MACROD2: variants seen among roughly 807,000 people sequenced by gnomAD.
MACROD2 encodes mono-ADP ribosylhydrolase 2, also known as ADP-ribose glycohydrolase MACROD2.
In MACROD2, 36 loss-of-function variants were observed where a neutral mutation model predicts 70.4. That is an observed-to-expected ratio of 0.51 (90% CI 0.39 to 0.68). The LOEUF is 0.68. Among genes scored for constraint, MACROD2 ranks in the 30% least tolerant of loss-of-function variants. The pLI is 0.00. For synonymous variants in MACROD2, 172 were observed against 178.8 expected, an observed-to-expected ratio of 0.96 and a Z score of 0.30; for missense variants, 496 against 538.4, an observed-to-expected ratio of 0.92 and a Z score of 0.78.
intron 4 of MACROD2, among the ~76,000 whole-genome samples, chr20:14,635,599 T>C (rs2123480738): frequency 6.6e-6 from 1 of 152,360 alleles, no homozygotes; most frequent in East Asian, 1.9e-4. Flanking sequence ...TAATACATTA[T>C]AACAGTTACT....
At chr20:15,545,208 G>A (rs762628588) in intron 8 of MACROD2, among the ~76,000 whole-genome samples, 8 of 152,142 alleles carry the variant, frequency 5.3e-5, no homozygotes, top group Non-Finnish European at 1.2e-4. Context: ...ATGATGTTTG[G>A]CAAAGGCACT....
intron 3 of MACROD2, among the ~76,000 whole-genome samples, chr20:14,299,457 C>T (rs2082456212): frequency 6.6e-6 from 1 of 152,014 alleles, no homozygotes; most frequent in African/African-American, 2.4e-5. Context: ...TGAGGAGTTG[C>T]TTCTTATGGA....
At chr20:15,463,934 ATGAT>A (rs2046851668) in intron 7 of MACROD2, among the ~76,000 whole-genome samples, 1 of 152,188 alleles carries the variant, frequency 6.6e-6, no homozygotes, top group African/African-American at 2.4e-5. Context: ...AGACAAATTG[ATGAT>A]TGAAGTATCC....
At chr20:15,137,681 C>T (rs892127249) in intron 5 of MACROD2, among the ~76,000 whole-genome samples, 11 of 151,434 alleles carry the variant, frequency 7.3e-5, no homozygotes, top group African/African-American at 2.7e-4. Context: ...GCACTTTGTG[C>T]ACATGTACCC....
chr20:15,715,463 C>G (rs913405465), intron 8 of MACROD2, among the ~76,000 whole-genome samples: 1 of 152,058 alleles, frequency 6.6e-6, no homozygotes, highest in Non-Finnish European at 1.5e-5. Context: ...AAATGCACAT[C>G]ATTTTATGTG....
chr20:15,619,549 G>C (rs371750078), intron 8 of MACROD2: 9 of 417,118 alleles, frequency 2.2e-5, no homozygotes, highest in African/African-American at 1.3e-4. Context: ...CTGTGTGGTG[G>C]GGATGTGGTC....
chr20:14,533,900 C>T (rs906155604), intron 4 of MACROD2, among the ~76,000 whole-genome samples: 12 of 152,134 alleles, frequency 7.9e-5, no homozygotes, highest in Admixed American at 6.5e-5. Context: ...CTTTTGGATA[C>T]GCTTTAATGT....
At chr20:16,030,024 G>C (rs772361915) in intron 15 of MACROD2, among the ~76,000 whole-genome samples, 1 of 152,146 alleles carries the variant, frequency 6.6e-6, no homozygotes, top group Non-Finnish European at 1.5e-5. Flanking sequence ...GGCTGCAGAG[G>C]GTTTATCACC....
At chr20:14,380,935 G>T (rs1479200981) in intron 3 of MACROD2, among the ~76,000 whole-genome samples, 1 of 152,086 alleles carries the variant, frequency 6.6e-6, no homozygotes, top group African/African-American at 2.4e-5. Flanking sequence ...TCAGTATTCA[G>T]TATTTATTTG....
intron 8 of MACROD2, among the ~76,000 whole-genome samples, chr20:15,790,455 T>C (rs915752439): frequency 6.6e-6 from 1 of 151,912 alleles, no homozygotes; most frequent in South Asian, 2.1e-4. Flanking sequence ...TTATTGTTAG[T>C]TCTATTCCTA....
chr20:15,214,045 C>G lies in MACROD2; in HGVS notation c.419-15895C>G, dbSNP rs117491538. Among the ~76,000 whole-genome samples the G allele has an allele frequency of 3.1e-3, 479 of 152,142 alleles. 16 individuals are homozygous for G. The East Asian group carries it at 0.06, about 19-fold the overall frequency. On this transcript the variant is annotated intron_variant, in intron 5 of 17. Transcript: ENST00000684519. ...CAGGTGTGAGCCATGGCTCCCACCC[C>G]CTTCTTTTCTGACAGTAGGAAAAAT...
intron 13 of MACROD2, among the ~76,000 whole-genome samples, chr20:15,981,948 C>A (rs549381408): frequency 1.3e-5 from 2 of 152,080 alleles, no homozygotes; most frequent in East Asian, 3.9e-4. Flanking sequence ...ACACATTTTA[C>A]ATAAATATGA....
intron 4 of MACROD2, among the ~76,000 whole-genome samples, chr20:14,676,576 G>A (rs1488645497): frequency 6.6e-6 from 1 of 152,146 alleles, no homozygotes; most frequent in Non-Finnish European, 1.5e-5. Flanking sequence ...AGTGTTTAGA[G>A]GGAAATTTAT....
chr20:15,777,510 TTTCCTTCCTTCC>T (rs746262814), intron 8 of MACROD2, among the ~76,000 whole-genome samples: 4,186 of 82,982 alleles, frequency 0.05, 115 homozygotes, highest in Non-Finnish European at 0.056. Context: ...TCCTTCCTTC[TTTCCTTCCTTCC>T]TTCCTTCCTT....
At chr20:15,356,524 C>G (rs7261501) in intron 6 of MACROD2, among the ~76,000 whole-genome samples, 3 of 152,030 alleles carry the variant, frequency 2.0e-5, no homozygotes, top group African/African-American at 4.8e-5. Context: ...GGCTCATGTC[C>G]GTAATCCCAA....
intron 5 of MACROD2, among the ~76,000 whole-genome samples, chr20:14,739,432 A>G (rs1281758968): frequency 1.3e-5 from 2 of 151,992 alleles, no homozygotes; most frequent in Non-Finnish European, 2.9e-5. Flanking sequence ...TATATTAATA[A>G]CAATGTTACC....
At chr20:15,074,178 G>A (rs1270966681) in intron 5 of MACROD2, among the ~76,000 whole-genome samples, 1 of 152,108 alleles carries the variant, frequency 6.6e-6, no homozygotes, top group Non-Finnish European at 1.5e-5. Flanking sequence ...TTAAGGATGG[G>A]GGCTGGTCAC....
At chr20:14,971,753 G>T (rs572788293) in intron 5 of MACROD2, among the ~76,000 whole-genome samples, 1 of 152,036 alleles carries the variant, frequency 6.6e-6, no homozygotes, top group Admixed American at 6.6e-5. Flanking sequence ...TTTACATAGC[G>T]CATGGGGAAG....
intron 7 of MACROD2, among the ~76,000 whole-genome samples, chr20:15,495,805 A>G (rs79260603): frequency 0.025 from 3,842 of 152,342 alleles, 159 homozygotes; most frequent in African/African-American, 0.087. Context: ...AGGTAAAGGT[A>G]CATGGTATTA....
Sources: gnomAD v4.1 joint callset for allele counts (sites outside exome capture counted in the v4.1 genomes callset) on GRCh38, gnomAD v4.1.1 for gene constraint, MANE v1.5 for transcripts, NCBI Gene and HGNC (gene_info 2026-07-23, HGNC 2026-07-21) for gene names.